REL: variants seen among roughly 807,000 people sequenced by gnomAD.
REL encodes the protein proto-oncogene c-Rel.
A neutral mutation model predicts 45.9 loss-of-function variants in REL; 15 were observed. That is an observed-to-expected ratio of 0.33 (90% CI 0.22 to 0.50). The LOEUF is 0.50. REL is among the 20% of genes least tolerant of loss of function. The pLI, the probability that REL is intolerant of heterozygous loss-of-function variation, is 0.98. For missense variants in REL, 601 were observed against 715.2 expected (o/e 0.84, Z 1.82); for synonymous variants, 239 against 242.1 (o/e 0.99, Z 0.12).
At chr2:60,883,229 G>A (rs1391450428) in intron 1 of REL, among the ~76,000 whole-genome samples, 1 of 152,234 alleles carries the variant, frequency 6.6e-6, no homozygotes, top group Non-Finnish European at 1.5e-5. Flanking sequence ...GAAGTAGGCT[G>A]ATGTCTAGTA....
intron 4 of REL, among the ~76,000 whole-genome samples, chr2:60,902,840 C>T (rs888600263): frequency 5.0e-4 from 76 of 152,140 alleles, no homozygotes; most frequent in African/African-American, 1.7e-3. Flanking sequence ...CCACTTGCCT[C>T]GGCCTTCTAA....
intron 3 of REL, 143 bp from the exon 4 acceptor site, chr2:60,900,849 C>A: frequency 1.4e-6 from 1 of 713,100 alleles, no homozygotes; most frequent in Non-Finnish European, 2.3e-6. Context: ...ACTCTCTCAT[C>A]TTTATCAGAG....
chr2:60,918,633 A>G (rs1674049434), intron 7 of REL, 27 bp downstream of exon 7: 1 of 1,509,976 alleles, frequency 6.6e-7, no homozygotes, highest in Non-Finnish European at 9.2e-7. Context: ...GTAATAATTT[A>G]TATATTTCTT....
At chr2:60,896,859 C>T (rs1673363898) in intron 3 of REL, among the ~76,000 whole-genome samples, 1 of 152,160 alleles carries the variant, frequency 6.6e-6, no homozygotes, top group African/African-American at 2.4e-5. Flanking sequence ...GCTGTTCCAA[C>T]TCTCTCCCCA....
intron 1 of REL, among the ~76,000 whole-genome samples, chr2:60,885,649 G>GA (rs1673054048): frequency 6.6e-6 from 1 of 151,930 alleles, no homozygotes; most frequent in Admixed American, 6.6e-5. Context: ...CTAGTTTGAG[G>GA]AAAAAAATAA....
At chr2:60,890,699 A>C (rs1287546619) in intron 1 of REL, among the ~76,000 whole-genome samples, 1 of 152,222 alleles carries the variant, frequency 6.6e-6, no homozygotes, top group Non-Finnish European at 1.5e-5. Flanking sequence ...TATGTACAAC[A>C]AACTGTACTT....
At chr2:60,904,610 A>T (rs1034950120) in intron 4 of REL, among the ~76,000 whole-genome samples, 1 of 151,722 alleles carries the variant, frequency 6.6e-6, no homozygotes, top group South Asian at 2.1e-4. Context: ...CAAGTAGGCC[A>T]GGCACGGTGT....
intron 4 of REL, among the ~76,000 whole-genome samples, chr2:60,908,948 C>T (rs1026522523): frequency 1.3e-5 from 2 of 152,132 alleles, no homozygotes; most frequent in African/African-American, 4.8e-5. Flanking sequence ...AAGAAAAAGC[C>T]TTTCCTTACA....
At position 60,927,995 on chromosome 2, in the gene REL, CATG is replaced by C. The variant is rs1674306157; in HGVS notation, c.*5464_*5466del. The C allele has an allele frequency of 4.8e-6, 1 of 210,166 alleles. No homozygotes were observed. The highest frequency in any genetic ancestry group is 7.0e-5 in the East Asian group (1 of 14,314). The allele number at this position is 210,166 out of a possible 1,614,324, so 13.0% of individuals were successfully genotyped here. A position where few individuals can be genotyped will look rare whatever the true frequency, so the allele number is the denominator to read the frequency against. On this transcript the variant is annotated 3_prime_UTR_variant, in exon 10 of 10. Coordinates refer to ENST00000394479, the MANE Select transcript of REL (RefSeq NM_001291746.2). ...TCTAACCTAATACTTCAGGAAAACTCATGATGGTTTCCATGTTAAGAGAGACAT... is the reference window on the plus strand; with the variant it reads ...TCTAACCTAATACTTCAGGAAAACTCATGGTTTCCATGTTAAGAGAGACAT...
chr2:60,905,840 A>G (rs1268740221), intron 4 of REL, among the ~76,000 whole-genome samples: 1 of 152,208 alleles, frequency 6.6e-6, no homozygotes, highest in Non-Finnish European at 1.5e-5. Flanking sequence ...TAACTCTTTC[A>G]CCATGACCCA....
At chr2:60,890,479 A>G (rs1435673245) in intron 1 of REL, among the ~76,000 whole-genome samples, 1 of 152,130 alleles carries the variant, frequency 6.6e-6, no homozygotes, top group African/African-American at 2.4e-5. Flanking sequence ...ATTTCTCAGG[A>G]TTGCTTGCGT....
chr2:60,900,904 T>C (rs925290041), intron 3 of REL, 88 bp from the exon 4 acceptor site: 1 of 1,093,076 alleles, frequency 9.1e-7, no homozygotes, highest in African/African-American at 1.6e-5. Flanking sequence ...ACTGACAGCA[T>C]GATAACTTCA....
At chr2:60,892,909 C>A (rs1293871881) in intron 2 of REL, among the ~76,000 whole-genome samples, 1 of 152,082 alleles carries the variant, frequency 6.6e-6, no homozygotes, top group Non-Finnish European at 1.5e-5. Context: ...CGCCCCCTAC[C>A]ACGCCCAGCT....
At chr2:60,893,698 G>A (rs1415376718) in intron 2 of REL, among the ~76,000 whole-genome samples, 1 of 152,132 alleles carries the variant, frequency 6.6e-6, no homozygotes, top group Non-Finnish European at 1.5e-5. Flanking sequence ...TACCTTGTAA[G>A]CTACCCATTC....
intron 4 of REL, among the ~76,000 whole-genome samples, chr2:60,910,158 T>G (rs1249620376): frequency 6.6e-6 from 1 of 151,454 alleles, no homozygotes; most frequent in Non-Finnish European, 1.5e-5. Context: ...TAAAGGTAGA[T>G]TAAACATTTA....
chr2:60,920,326 G>C, intron 8 of REL: 1 of 614,386 alleles, frequency 1.6e-6, no homozygotes. Flanking sequence ...TCAGCCTCCC[G>C]GGTAGCTGAG....
At chr2:60,901,844 A>C (rs1324745848) in intron 4 of REL, among the ~76,000 whole-genome samples, 1 of 152,160 alleles carries the variant, frequency 6.6e-6, no homozygotes, top group South Asian at 2.1e-4. Context: ...TTTTCATAGC[A>C]TATTTGTGTA....
At chr2:60,885,798 G>C (rs1033907204) in intron 1 of REL, among the ~76,000 whole-genome samples, 1 of 152,160 alleles carries the variant, frequency 6.6e-6, no homozygotes, top group Admixed American at 6.5e-5. Flanking sequence ...AGTCTAGTCA[G>C]CTATTCTCAA....
chr2:60,902,630 G>C (rs1673528957), intron 4 of REL, among the ~76,000 whole-genome samples: 1 of 134,254 alleles, frequency 7.4e-6, no homozygotes, highest in African/African-American at 2.8e-5. Flanking sequence ...GTCTTGCTCT[G>C]TCGCCCAGGA....
Sources: gnomAD v4.1 joint callset for allele counts (sites outside exome capture counted in the v4.1 genomes callset) on GRCh38, gnomAD v4.1.1 for gene constraint, MANE v1.5 for transcripts, NCBI Gene and HGNC (gene_info 2026-07-23, HGNC 2026-07-21) for gene names.